The following SLC9A1 variants were observed in gnomAD, a reference collection of about 807,000 sequenced individuals.
SLC9A1 encodes sodium/hydrogen exchanger 1.
In SLC9A1, 22 loss-of-function variants were observed where a neutral mutation model predicts 67.9. That is an observed-to-expected ratio of 0.32 (90% CI 0.23 to 0.46). SLC9A1 has a LOEUF of 0.46. Among genes scored for constraint, SLC9A1 ranks in the 20% least tolerant of loss-of-function variants. The pLI, the probability that SLC9A1 is intolerant of heterozygous loss-of-function variation, is 1.00. For synonymous variants in SLC9A1, 421 were observed against 471.8 expected, an observed-to-expected ratio of 0.89 and a Z score of 1.40; for missense variants, 686 against 1,094.8, an observed-to-expected ratio of 0.63 and a Z score of 5.27.
At position 27,106,133 on chromosome 1, in the gene SLC9A1, C is replaced by CT; in HGVS notation, c.1283-47_1283-46insA. On this transcript the variant is annotated intron_variant, in intron 4 of 11. Coordinates refer to ENST00000263980, the MANE Select transcript of SLC9A1 (RefSeq NM_003047.5). This position sits in a 1 kb window ranked among gnomAD's most constrained non-coding sequence, Gnocchi z 4.3. ...TGATGAGGGTCAGGTCGGGCTGTCCCCAGTCCCTCCTGGATTCTGCATCAG... is the reference window on the plus strand; with the variant it reads ...TGATGAGGGTCAGGTCGGGCTGTCCCTCAGTCCCTCCTGGATTCTGCATCAG... 1 of 1,266,966 alleles carries CT rather than the reference C, an allele frequency of 7.9e-7. No individual in the cohort carries two copies. The highest frequency in any genetic ancestry group is 1.1e-6 in the Non-Finnish European group (1 of 876,404). 78.5% of individuals were successfully genotyped at this position (1,266,966 alleles called of 1,614,324 possible). A position where few individuals can be genotyped will look rare whatever the true frequency, so the allele number is the denominator to read the frequency against.
intron 1 of SLC9A1, among the ~76,000 whole-genome samples, chr1:27,130,458 G>A (rs539932495): frequency 1.3e-5 from 2 of 152,180 alleles, no homozygotes; most frequent in Non-Finnish European, 2.9e-5. Flanking sequence ...GGTTCTGTGT[G>A]TGCCTTGCAA....
chr1:27,100,084 G>C lies in SLC9A1; in HGVS notation c.*223C>G. 1 of 454,936 alleles carries C rather than the reference G, an allele frequency of 2.2e-6. No individual in the cohort carries two copies. The highest frequency in any genetic ancestry group is 3.9e-6 in the Non-Finnish European group (1 of 259,260). 28.2% of individuals were successfully genotyped at this position (454,936 alleles called of 1,614,324 possible). A position where few individuals can be genotyped will look rare whatever the true frequency, so the allele number is the denominator to read the frequency against. ...AGGGCCGGCCTCACCAGCCCCAGCA[G>C]TTCTGCCAAATGGATTGGGGAGGCA... On this transcript the variant is annotated 3_prime_UTR_variant, in exon 12 of 12. Transcript: ENST00000263980. This position sits in a 1 kb window ranked among gnomAD's most constrained non-coding sequence, Gnocchi z 5.6.
intron 1 of SLC9A1, among the ~76,000 whole-genome samples, chr1:27,146,798 AAATT>A (rs2083488250): frequency 6.6e-6 from 1 of 152,154 alleles, no homozygotes; most frequent in Admixed American, 6.5e-5. Flanking sequence ...ACAAAATAAA[AAATT>A]AATAAGTGGC....
chr1:27,153,070 G>T (rs189243025), intron 1 of SLC9A1, among the ~76,000 whole-genome samples: 29 of 152,264 alleles, frequency 1.9e-4, no homozygotes, highest in African/African-American at 6.5e-4. Context: ...GGCCTAGCAG[G>T]GAGACCAATA....
At chr1:27,140,728 C>T (rs887108956) in intron 1 of SLC9A1, among the ~76,000 whole-genome samples, 6 of 152,206 alleles carry the variant, frequency 3.9e-5, no homozygotes, top group African/African-American at 1.4e-4. Context: ...TATAGCTACA[C>T]ATCAAGTTGT....
intron 5 of SLC9A1, 181 bp from the exon 6 acceptor site, chr1:27,103,493 A>G: frequency 1.7e-6 from 1 of 605,802 alleles, no homozygotes; most frequent in Non-Finnish European, 3.0e-6. Context: ...ACAGGTCCTT[A>G]AGGCCTGCTT....
chr1:27,132,461 C>T (rs1236425277), intron 1 of SLC9A1, among the ~76,000 whole-genome samples: 1 of 152,070 alleles, frequency 6.6e-6, no homozygotes, highest in African/African-American at 2.4e-5. Flanking sequence ...CAAGGTCACC[C>T]GGTTCCACTG....
In SLC9A1 at chr1:27,109,394, G is replaced by A; in HGVS notation, c.1064+133C>T. The A allele has an allele frequency of 1.0e-6, 1 of 965,748 alleles. No homozygotes were observed. The highest frequency in any genetic ancestry group is 1.6e-6 in the Non-Finnish European group (1 of 634,116). The allele number at this position is 965,748 out of a possible 1,614,324, so 59.8% of individuals were successfully genotyped here. A position where few individuals can be genotyped will look rare whatever the true frequency, so the allele number is the denominator to read the frequency against. On this transcript the variant is annotated intron_variant, in intron 3 of 11. Coordinates refer to ENST00000263980, the MANE Select transcript of SLC9A1 (RefSeq NM_003047.5). This position sits in a 1 kb window ranked among gnomAD's most constrained non-coding sequence, Gnocchi z 5.5. ...TGGCTACCAAGCAGGTCTGGAGCCT[G>A]GAGTTCATGTCTCATCCCTGGAGCT... is the stretch of plus-strand genomic sequence containing the variant.
chr1:27,100,223 AG>A lies in SLC9A1; in HGVS notation c.*83del. The stretch of plus-strand genomic sequence containing the variant: ...GGGAGGGGCAGGGCCAATCCGGGTC[AG>A]GAAGGGCAAGGGGAGCCCCCAGCAG... On this transcript the variant is annotated 3_prime_UTR_variant, in exon 12 of 12. Coordinates refer to ENST00000263980, the MANE Select transcript of SLC9A1 (RefSeq NM_003047.5). The surrounding 1 kb of genome is among the most constrained non-coding windows in gnomAD (Gnocchi z 5.6). 9.4e-7 allele frequency: 1 copy of A among 1,058,540 alleles called. No homozygotes were observed. Among genetic ancestry groups the A allele is most frequent in the South Asian group, 1.8e-5 (1 of 56,960 alleles). 65.6% of individuals were successfully genotyped at this position (1,058,540 alleles called of 1,614,324 possible). A position where few individuals can be genotyped will look rare whatever the true frequency, so the allele number is the denominator to read the frequency against.
intron 5 of SLC9A1, chr1:27,105,628 T>G (rs1437363005): frequency 1.8e-5 from 12 of 680,064 alleles, no homozygotes; most frequent in Non-Finnish European, 3.3e-5. Context: ...CTCTATGAGT[T>G]CCAAATTAAG....
At chr1:27,123,534 G>A (rs924643763) in intron 1 of SLC9A1, among the ~76,000 whole-genome samples, 4 of 150,344 alleles carry the variant, frequency 2.7e-5, no homozygotes, top group East Asian at 1.9e-4. Flanking sequence ...ACAGAGTCTC[G>A]CTCTGTCACC....
At position 27,137,336 on chromosome 1, in the gene SLC9A1, CA is replaced by C. The variant is rs1470250495; in HGVS notation, c.352+16646del. Reference sequence around the variant, plus strand: ...AGAGGTCGGGGAGCTGAGCTCAATGCAGCTCTGTGGCCCTTAAGCAAGTCAC... The same window carrying C: ...AGAGGTCGGGGAGCTGAGCTCAATGCGCTCTGTGGCCCTTAAGCAAGTCAC... On this transcript the variant is annotated intron_variant, in intron 1 of 11. Coordinates refer to ENST00000263980, the MANE Select transcript of SLC9A1 (RefSeq NM_003047.5). The surrounding 1 kb of genome is among the most constrained non-coding windows in gnomAD (Gnocchi z 4.6). 6.6e-6 allele frequency among the ~76,000 whole-genome samples: 1 copy of C among 152,256 alleles called. No homozygotes were observed. Among genetic ancestry groups the C allele is most frequent in the African/African-American group, 2.4e-5 (1 of 41,462 alleles).
rs146093618 is a variant in SLC9A1 at position 27,144,532 on chromosome 1, GTCTGGTGCCAAGGAGCC to G, written c.352+9434_352+9450del. On this transcript the variant is annotated intron_variant, in intron 1 of 11. Coordinates refer to ENST00000263980, the MANE Select transcript of SLC9A1 (RefSeq NM_003047.5). ...CTCAGTTAAACTCCTTGGCTTGGCAGTCTGGTGCCAAGGAGCCTCTGCAACCTTTGCTCTCCCTCCTC... is the reference window on the plus strand; with the variant it reads ...CTCAGTTAAACTCCTTGGCTTGGCAGTCTGCAACCTTTGCTCTCCCTCCTC... Among the ~76,000 whole-genome samples, 1,152 of 152,374 alleles carry G rather than the reference GTCTGGTGCCAAGGAGCC, an allele frequency of 7.6e-3. 7 individuals carry two copies. Among genetic ancestry groups the G allele is most frequent in the African/African-American group, 0.022 (933 of 41,590 alleles).
intron 1 of SLC9A1, among the ~76,000 whole-genome samples, chr1:27,149,285 C>T (rs1258400503): frequency 1.3e-5 from 2 of 152,188 alleles, no homozygotes; most frequent in African/African-American, 4.8e-5. Flanking sequence ...GCAGGCTATG[C>T]CAAGACTCGA....
intron 1 of SLC9A1, among the ~76,000 whole-genome samples, chr1:27,138,715 C>T (rs937162521): frequency 6.6e-6 from 1 of 151,942 alleles, no homozygotes; most frequent in Non-Finnish European, 1.5e-5. Flanking sequence ...GGCAGATGTG[C>T]GTTAGGGACA....
chr1:27,102,574 G>T lies in SLC9A1; in HGVS notation c.1647-16C>A. 6.2e-7 allele frequency: 1 copy of T among 1,609,226 alleles called. No homozygotes were observed. Among genetic ancestry groups the T allele is most frequent in the Non-Finnish European group, 8.5e-7 (1 of 1,176,906 alleles). On this transcript the variant is annotated splice_polypyrimidine_tract_variant and intron_variant, in intron 7 of 11. Coordinates refer to ENST00000263980, the MANE Select transcript of SLC9A1 (RefSeq NM_003047.5). ...CCGGTTGAGCCTGGTGGGAGGAGGA[G>T]GGAGACGGATGGCGCCAGCTTCCAG...
intron 1 of SLC9A1, among the ~76,000 whole-genome samples, chr1:27,142,469 A>G (rs1227741091): frequency 6.6e-6 from 1 of 152,234 alleles, no homozygotes; most frequent in Non-Finnish European, 1.5e-5. Flanking sequence ...GAGAACAGGG[A>G]CCTTCAGTCC....
intron 4 of SLC9A1, 72 bp downstream of exon 4, chr1:27,107,576 G>T: frequency 8.7e-7 from 1 of 1,151,600 alleles, no homozygotes; most frequent in Non-Finnish European, 1.2e-6. Context: ...CACACACACA[G>T]CACCACAGCC....
rs889261570 is a variant in SLC9A1 at position 27,100,175 on chromosome 1, G to A, written c.*132C>T. The A allele has an allele frequency of 1.6e-6, 1 of 624,704 alleles. No homozygotes were observed. Among genetic ancestry groups the A allele is most frequent in the Non-Finnish European group, 2.6e-6 (1 of 380,278 alleles). 38.7% of individuals were successfully genotyped at this position (624,704 alleles called of 1,614,324 possible). ...GGAGCTGTGCTGGGGTGGGGGCTGT[G>A]GGCCCAGCTGCCATGCGGTAGGGGG... On this transcript the variant is annotated 3_prime_UTR_variant, in exon 12 of 12. Coordinates refer to ENST00000263980, the MANE Select transcript of SLC9A1 (RefSeq NM_003047.5). The surrounding 1 kb of genome is among the most constrained non-coding windows in gnomAD (Gnocchi z 5.6).
Sources: allele counts gnomAD v4.1 joint callset (sites outside exome capture counted in the v4.1 genomes callset), GRCh38; gene constraint gnomAD v4.1.1; non-coding constraint Gnocchi (gnomAD v3.1); transcripts MANE v1.5; gene names NCBI Gene and HGNC (gene_info 2026-07-23, HGNC 2026-07-21).